Variants in WLS observed in about 807,000 individuals in gnomAD.
WLS encodes protein wntless homolog.
Under a neutral mutation model 62.8 loss-of-function variants are expected in WLS, and 23 were observed. That is an observed-to-expected ratio of 0.37 (90% CI 0.26 to 0.52). WLS has a LOEUF of 0.52. Ranked by LOEUF, WLS falls within the 20% of genes least tolerant of loss-of-function variation. The pLI, the probability that WLS is intolerant of heterozygous loss-of-function variation, is 0.92. For synonymous variants in WLS, 246 were observed against 244.1 expected, an observed-to-expected ratio of 1.01 and a Z score of -0.07; for missense variants, 615 against 697.3, an observed-to-expected ratio of 0.88 and a Z score of 1.33.
At chr1:68,186,349 T>A (rs12042397) in intron 2 of WLS, among the ~76,000 whole-genome samples, 6,813 of 152,238 alleles carry the variant, frequency 0.045, 196 homozygotes, top group Middle Eastern at 0.11. Context: ...AGTACTTAGA[T>A]TATTTTATCT....
At chr1:68,156,338 TA>T (rs1253480356) in intron 3 of WLS, among the ~76,000 whole-genome samples, 3 of 152,186 alleles carry the variant, frequency 2.0e-5, no homozygotes, top group African/African-American at 7.2e-5. Flanking sequence ...TAATTTGTCA[TA>T]AATCTTCAGA....
chr1:68,179,934 A>G (rs947153055), intron 2 of WLS, among the ~76,000 whole-genome samples: 1 of 152,174 alleles, frequency 6.6e-6, no homozygotes, highest in Non-Finnish European at 1.5e-5. Flanking sequence ...CCTTTGGCCA[A>G]GGGACCACTG....
Position 68,229,473 on chromosome 1 carries a change from G to A in WLS, c.106+2721C>T, listed in dbSNP as rs60015856. On this transcript the variant is annotated intron_variant, in intron 1 of 11. Transcript: ENST00000262348. ...TGACTTTTTAAGTGGCAATAACAATGAGCAGCGGAGGAGTTCTCTTCTCAC... is the reference window on the plus strand; with the variant it reads ...TGACTTTTTAAGTGGCAATAACAATAAGCAGCGGAGGAGTTCTCTTCTCAC... 6.4e-3 allele frequency among the ~76,000 whole-genome samples: 960 copies of A among 150,930 alleles called. 14 individuals carry two copies. The highest frequency in any genetic ancestry group is 0.022 in the African/African-American group (924 of 41,492).
chr1:68,232,088 T>C, intron 1 of WLS, 106 bp downstream of exon 1: 5 of 1,464,180 alleles, frequency 3.4e-6, no homozygotes, highest in Non-Finnish European at 4.7e-6. Flanking sequence ...ACTAATTAGA[T>C]CATAGAAGCA....
chr1:68,139,170 TA>T (rs1363093816), intron 10 of WLS, among the ~76,000 whole-genome samples: 1 of 152,212 alleles, frequency 6.6e-6, no homozygotes, highest in Non-Finnish European at 1.5e-5. Flanking sequence ...AACAAACCAC[TA>T]TTATGAACTC....
chr1:68,190,539 G>A (rs1009817132), intron 2 of WLS, among the ~76,000 whole-genome samples: 4 of 152,196 alleles, frequency 2.6e-5, no homozygotes, highest in Admixed American at 1.3e-4. Flanking sequence ...GGGGAAGCCC[G>A]CTGCCATGTT....
Position 68,112,215 on chromosome 1 carries a change from T to C in WLS, c.1511-13462A>G, listed in dbSNP as rs958448864. ...ATTGATGAGAGGAGTGACAACTGTA[T>C]TTCTGTCCTTACTTGCTCTCCTGGC... On this transcript the variant is annotated intron_variant, in intron 11 of 11. Coordinates refer to the WLS transcript ENST00000354777. 8.8e-4 allele frequency among the ~76,000 whole-genome samples: 134 copies of C among 152,302 alleles called. 1 individual carries two copies. The highest frequency in any genetic ancestry group is 3.5e-4 in the Non-Finnish European group (24 of 68,030).
intron 2 of WLS, among the ~76,000 whole-genome samples, chr1:68,166,539 G>A (rs889040364): frequency 4.6e-5 from 7 of 152,164 alleles, no homozygotes; most frequent in African/African-American, 1.7e-4. Context: ...CTTTGCTGGT[G>A]AAAACAAACA....
At chr1:68,230,062 A>T (rs1331800996) in intron 1 of WLS, among the ~76,000 whole-genome samples, 1 of 152,090 alleles carries the variant, frequency 6.6e-6, no homozygotes, top group Non-Finnish European at 1.5e-5. Context: ...TAGTCGCTCC[A>T]ATGTCCACCA....
rs573381230 is a variant in WLS at position 68,172,138 on chromosome 1, G to A, written c.380-12891C>T. 7.2e-5 allele frequency among the ~76,000 whole-genome samples: 10 copies of A among 137,988 alleles called. No homozygotes were observed. The South Asian group carries it at 2.2e-3, about 30-fold the overall frequency. The allele number at this position is 137,988 out of a possible 152,430, so 90.5% of individuals were successfully genotyped here. A position where few individuals can be genotyped will look rare whatever the true frequency, so the allele number is the denominator to read the frequency against. ...TGAGAACACATGGACACAGGGAGGG[G>A]AACATCACACCTGGGCCTGTTGAGG... On this transcript the variant is annotated intron_variant, in intron 2 of 11. Transcript: ENST00000262348.
chr1:68,170,065 C>T (rs1206321610), intron 2 of WLS, among the ~76,000 whole-genome samples: 2 of 151,960 alleles, frequency 1.3e-5, no homozygotes, highest in African/African-American at 4.8e-5. Flanking sequence ...ATGCCCTTCT[C>T]CTATCACTGT....
intron 10 of WLS, among the ~76,000 whole-genome samples, chr1:68,142,047 TC>T (rs1487849733): frequency 2.4e-4 from 37 of 152,224 alleles, no homozygotes; most frequent in African/African-American, 8.7e-4. Context: ...AGAATATTAA[TC>T]TTTTTCTCCA....
intron 1 of WLS, among the ~76,000 whole-genome samples, chr1:68,222,648 A>G (rs1463454699): frequency 6.6e-6 from 1 of 152,132 alleles, no homozygotes; most frequent in Non-Finnish European, 1.5e-5. Flanking sequence ...AATTGCATGA[A>G]CTGAATGGCT....
At chr1:68,132,141 G>A (rs553816365) in intron 11 of WLS, among the ~76,000 whole-genome samples, 6 of 152,262 alleles carry the variant, frequency 3.9e-5, no homozygotes, top group Admixed American at 3.3e-4. Flanking sequence ...GATTTTAATT[G>A]ACTGGGCCAG....
chr1:68,200,838 C>T (rs191054368), intron 1 of WLS, among the ~76,000 whole-genome samples: 3 of 152,222 alleles, frequency 2.0e-5, no homozygotes, highest in Admixed American at 2.0e-4. Flanking sequence ...CTTATGAGAA[C>T]TTATATAAAA....
At chr1:68,203,035 G>A (rs971925199) in intron 1 of WLS, 6 of 152,114 alleles carry the variant, frequency 3.9e-5, no homozygotes, top group Non-Finnish European at 7.4e-5. Context: ...CACTCTACAA[G>A]TTTCCAACAT....
At chr1:68,126,457 C>G in intron 11 of WLS, 122 bp from the exon 12 acceptor site, 1 of 1,273,984 alleles carries the variant, frequency 7.8e-7, no homozygotes, top group South Asian at 1.4e-5. Flanking sequence ...ACAGAGACAC[C>G]TAGGGCACAC....
chr1:68,123,098 C>G (rs1428450951), downstream of WLS, among the ~76,000 whole-genome samples: 1 of 152,134 alleles, frequency 6.6e-6, no homozygotes, highest in African/African-American at 2.4e-5. Context: ...TCCCTGCGGA[C>G]TAAAAAACAC....
intron 4 of WLS, among the ~76,000 whole-genome samples, chr1:68,154,267 G>A (rs1465183225): frequency 6.6e-6 from 1 of 152,018 alleles, no homozygotes; most frequent in Non-Finnish European, 1.5e-5. Flanking sequence ...GTCTACTAAG[G>A]CTACAAGAGC....
Sources: allele counts gnomAD v4.1 joint callset (sites outside exome capture counted in the v4.1 genomes callset), GRCh38; gene constraint gnomAD v4.1.1; transcripts MANE v1.5; gene names NCBI Gene and HGNC (gene_info 2026-07-23, HGNC 2026-07-21).